The following PTPRD variants were observed in gnomAD, a reference collection of about 807,000 sequenced individuals.
PTPRD encodes the protein protein tyrosine phosphatase receptor type D, also known as receptor-type tyrosine-protein phosphatase delta.
In PTPRD, 34 loss-of-function variants were observed where a neutral mutation model predicts 214.5. The observed-to-expected ratio is 0.16, with a 90% CI of 0.12 to 0.21. The LOEUF (loss-of-function observed/expected upper bound fraction) is 0.21. Ranked by LOEUF, PTPRD falls within the 10% of genes least tolerant of loss-of-function variation. The pLI is 1.00. For synonymous variants in PTPRD, 1,128 were observed against 845.7 expected, an observed-to-expected ratio of 1.33 and a Z score of -5.79; for missense variants, 2,545 against 2,398.7, an observed-to-expected ratio of 1.06 and a Z score of -1.27.
chr9:9,898,414 C>A (rs1381133493), intron 5 of PTPRD, among the ~76,000 whole-genome samples: 2 of 151,980 alleles, frequency 1.3e-5, no homozygotes, highest in African/African-American at 4.8e-5. Context: ...GGACTCACAC[C>A]TGTTCATTTC....
At chr9:9,607,005 A>G (rs10977871) in intron 7 of PTPRD, among the ~76,000 whole-genome samples, 1 of 119,604 alleles carries the variant, frequency 8.4e-6, no homozygotes, top group Admixed American at 9.0e-5. Flanking sequence ...AAAAAAAAAA[A>G]GTGTTTCTGC....
At chr9:9,076,221 C>T (rs2099750944) in intron 10 of PTPRD, among the ~76,000 whole-genome samples, 1 of 151,078 alleles carries the variant, frequency 6.6e-6, no homozygotes. Context: ...AGACTTCATC[C>T]ACTTTTTGAT....
At chr9:9,461,949 C>T (rs2145932028) in intron 8 of PTPRD, among the ~76,000 whole-genome samples, 1 of 152,226 alleles carries the variant, frequency 6.6e-6, no homozygotes, top group Admixed American at 6.5e-5. Flanking sequence ...CTACCTTATT[C>T]CTCCTTCCTT....
intron 21 of PTPRD, among the ~76,000 whole-genome samples, chr9:8,511,646 T>G (rs1016084949): frequency 2.0e-5 from 3 of 152,198 alleles, no homozygotes; most frequent in Non-Finnish European, 4.4e-5. Context: ...AAAGGAGAGA[T>G]ATGATATTGA....
At chr9:9,563,501 G>A (rs2083490739) in intron 8 of PTPRD, among the ~76,000 whole-genome samples, 1 of 152,074 alleles carries the variant, frequency 6.6e-6, no homozygotes, top group Non-Finnish European at 1.5e-5. Flanking sequence ...GGTAGATTCT[G>A]GAAATACTGT....
intron 12 of PTPRD, among the ~76,000 whole-genome samples, chr9:8,639,367 G>A (rs896078196): frequency 6.6e-6 from 1 of 152,064 alleles, no homozygotes; most frequent in Non-Finnish European, 1.5e-5. Flanking sequence ...ACACAAAATA[G>A]ATTGCTGTAT....
chr9:8,759,566 C>G (rs1199578284), intron 11 of PTPRD, among the ~76,000 whole-genome samples: 1 of 151,778 alleles, frequency 6.6e-6, no homozygotes, highest in Non-Finnish European at 1.5e-5. Flanking sequence ...TCTGTTCTAG[C>G]TCCCAGTATT....
chr9:10,151,610 T>C (rs1008067102), intron 3 of PTPRD, among the ~76,000 whole-genome samples: 1 of 152,128 alleles, frequency 6.6e-6, no homozygotes, highest in African/African-American at 2.4e-5. Context: ...TTAACTTACA[T>C]ACAGAAAGTT....
chr9:9,780,125 C>G (rs934670931), intron 5 of PTPRD, among the ~76,000 whole-genome samples: 4 of 152,130 alleles, frequency 2.6e-5, no homozygotes, highest in African/African-American at 9.7e-5. Context: ...ATGGATGGAG[C>G]TGGAGACCAT....
chr9:9,439,753 A>G (rs1226541686), intron 8 of PTPRD, among the ~76,000 whole-genome samples: 1 of 152,252 alleles, frequency 6.6e-6, no homozygotes, highest in Non-Finnish European at 1.5e-5. Context: ...GACGAAGAGC[A>G]TTAATGGTAA....
intron 10 of PTPRD, among the ~76,000 whole-genome samples, chr9:9,156,868 T>G (rs986110209): frequency 2.0e-5 from 3 of 152,152 alleles, no homozygotes; most frequent in African/African-American, 7.2e-5. Flanking sequence ...ATTCCACTGG[T>G]GTAAATAAGT....
intron 3 of PTPRD, among the ~76,000 whole-genome samples, chr9:10,077,615 A>G (rs1047813117): frequency 6.6e-6 from 1 of 152,098 alleles, no homozygotes; most frequent in Non-Finnish European, 1.5e-5. Flanking sequence ...ATAGTATCCA[A>G]TAGGTAATTT....
At chr9:10,461,765 G>T (rs1345474070) in intron 2 of PTPRD, among the ~76,000 whole-genome samples, 1 of 152,022 alleles carries the variant, frequency 6.6e-6, no homozygotes, top group Non-Finnish European at 1.5e-5. Flanking sequence ...TGGGATTACA[G>T]GCGTGAGCCT....
chr9:8,959,498 T>C (rs1588894183), intron 11 of PTPRD, among the ~76,000 whole-genome samples: 1 of 151,950 alleles, frequency 6.6e-6, no homozygotes, highest in East Asian at 1.9e-4. Flanking sequence ...AGAGCAGCGA[T>C]CAGAAATCAA....
chr9:10,136,758 C>T (rs1049511693), intron 3 of PTPRD, among the ~76,000 whole-genome samples: 1 of 73,964 alleles, frequency 1.4e-5, no homozygotes, highest in Non-Finnish European at 2.5e-5. Context: ...TCAGAGTGAA[C>T]AGGCAACCTA....
chr9:10,366,043 T>C (rs2097509137), intron 2 of PTPRD, among the ~76,000 whole-genome samples: 1 of 152,180 alleles, frequency 6.6e-6, no homozygotes, highest in Admixed American at 6.6e-5. Context: ...CATGTTGAGT[T>C]CAACATAGAT....
At chr9:10,437,973 C>T (rs1316229041) in intron 2 of PTPRD, among the ~76,000 whole-genome samples, 1 of 137,414 alleles carries the variant, frequency 7.3e-6, no homozygotes, top group Admixed American at 7.2e-5. Flanking sequence ...ACAGAGACAA[C>T]ACAGCATTTC....
chr9:9,723,038 T>C (rs142338982), intron 7 of PTPRD, among the ~76,000 whole-genome samples: 7 of 152,214 alleles, frequency 4.6e-5, no homozygotes, highest in African/African-American at 7.2e-5. Context: ...AGACTTTAAG[T>C]TCAATGAAAT....
chr9:10,442,404 G>A (rs1470927406), intron 2 of PTPRD, among the ~76,000 whole-genome samples: 2 of 151,580 alleles, frequency 1.3e-5, no homozygotes, highest in Non-Finnish European at 3.0e-5. Context: ...TGAAAGGTAG[G>A]AGAATGTTAC....
Sources: allele counts gnomAD v4.1 joint callset (sites outside exome capture counted in the v4.1 genomes callset), GRCh38; gene constraint gnomAD v4.1.1; transcripts MANE v1.5; gene names NCBI Gene and HGNC (gene_info 2026-07-23, HGNC 2026-07-21).